RCC2: variants seen among roughly 807,000 people sequenced by gnomAD.
RCC2 encodes regulator of chromosome condensation 2.
In RCC2, 19 loss-of-function variants were observed where a neutral mutation model predicts 64.1. That is an observed-to-expected ratio of 0.30 (90% CI 0.21 to 0.44). The LOEUF is 0.44. Ranked by LOEUF, RCC2 falls within the 20% of genes least tolerant of loss-of-function variation. RCC2 has a pLI of 1.00. For missense variants in RCC2, 508 were observed against 710.4 expected, an observed-to-expected ratio of 0.72 and a Z score of 3.24; for synonymous variants, 325 against 279.6, an observed-to-expected ratio of 1.16 and a Z score of -1.62.
At chr1:17,438,004 C>G (rs2075757915) in intron 2 of RCC2, among the ~76,000 whole-genome samples, 2 of 146,562 alleles carry the variant, frequency 1.4e-5, no homozygotes, top group Admixed American at 1.4e-4. Context: ...CGCCAACCGC[C>G]CGCGCGGTGC....
In RCC2 at chr1:17,416,722, G is replaced by A. The variant is rs916283503; in HGVS notation, c.860-76C>T. On this transcript the variant is annotated intron_variant, in intron 7 of 12. Coordinates refer to ENST00000375436, the MANE Select transcript of RCC2 (RefSeq NM_018715.4). ...GTGTCAGTGTGCTCACACGGACTCT[G>A]TAGTGAGCCCCGGCAGCACCCCAAT... 8.9e-6 allele frequency: 13 copies of A among 1,461,052 alleles called. No individual in the cohort carries two copies. In the African/African-American group the frequency reaches 1.5e-4, roughly 17 times the overall value. The allele number at this position is 1,461,052 out of a possible 1,614,324, so 90.5% of individuals were successfully genotyped here.
At chr1:17,413,922 G>T (rs1443865881) in intron 8 of RCC2, among the ~76,000 whole-genome samples, 1 of 152,188 alleles carries the variant, frequency 6.6e-6, no homozygotes, top group Non-Finnish European at 1.5e-5. Context: ...CTTGAGGTCA[G>T]GAGTTTGAGA....
chr1:17,428,035 T>C lies in RCC2; in HGVS notation c.379+1071A>G, dbSNP rs143464581. ...TTCACCAGATCTACAGCAACATACA[T>C]GCGCGGGAGGCAACAGAGTTAACTA... is the stretch of plus-strand genomic sequence containing the variant. On this transcript the variant is annotated intron_variant, in intron 3 of 12. Coordinates refer to ENST00000375436, the MANE Select transcript of RCC2 (RefSeq NM_018715.4). 1.1e-3 allele frequency among the ~76,000 whole-genome samples: 160 copies of C among 152,280 alleles called. 1 individual carries two copies. Among genetic ancestry groups the C allele is most frequent in the Middle Eastern group, 3.4e-3 (1 of 294 alleles).
At chr1:17,436,983 C>G (rs1484811293) in intron 2 of RCC2, among the ~76,000 whole-genome samples, 1 of 152,184 alleles carries the variant, frequency 6.6e-6, no homozygotes, top group Non-Finnish European at 1.5e-5. Context: ...TTGACGGGCT[C>G]TCCTCCACTG....
At chr1:17,433,404 C>G (rs975477991) in intron 2 of RCC2, among the ~76,000 whole-genome samples, 3 of 152,148 alleles carry the variant, frequency 2.0e-5, no homozygotes, top group African/African-American at 7.2e-5. Flanking sequence ...CCCGCGCTTG[C>G]GGGCTCCACC....
intron 4 of RCC2, 152 bp downstream of exon 4, chr1:17,425,389 A>C (rs576973908): frequency 1.3e-6 from 1 of 763,692 alleles, no homozygotes; most frequent in East Asian, 3.0e-5. Context: ...ACAAGAGACG[A>C]GCTGGGAATT....
Position 17,438,460 on chromosome 1 carries a change from C to G in RCC2, c.55G>C (p.Gly19Arg), listed in dbSNP as rs766354325. 4 of 1,321,086 alleles carry G rather than the reference C, an allele frequency of 3.0e-6. No homozygotes were observed. The highest frequency in any genetic ancestry group is 3.8e-6 in the Non-Finnish European group (4 of 1,039,314). 81.8% of individuals were successfully genotyped at this position (1,321,086 alleles called of 1,614,324 possible). ...TTCCTGGGCCCGGCGCGGGCAGTGC[C>G]GTTGCCCGAGCTCGGCTCCTCCCAG... ...AAWEEPSSGN[G>R]TARAGPRKRG... Residue 19 changes from glycine to arginine, a missense_variant, in exon 2 of 13, where the codon GGC becomes CGC. Gly to Arg is a moderately radical substitution (Grantham distance 125). Around this residue, in one of 4 missense-constraint regions of RCC2, gnomAD observed 195 missense variants for 158.3 expected, o/e 1.23. Coordinates refer to ENST00000375436, the MANE Select transcript of RCC2 (RefSeq NM_018715.4).
intron 3 of RCC2, among the ~76,000 whole-genome samples, chr1:17,426,971 G>A (rs1213624514): frequency 6.6e-6 from 1 of 151,964 alleles, no homozygotes; most frequent in Non-Finnish European, 1.5e-5. Flanking sequence ...ATATTGGCCA[G>A]GCTGGTCTTT....
intron 6 of RCC2, 119 bp from the exon 7 acceptor site, chr1:17,420,947 T>A (rs774019608): frequency 1.5e-6 from 1 of 676,468 alleles, no homozygotes; most frequent in Non-Finnish European, 2.5e-6. Context: ...ATAAACTCAG[T>A]AATTCTGAAG....
chr1:17,433,706 T>C (rs1376167300), intron 2 of RCC2, among the ~76,000 whole-genome samples: 1 of 152,158 alleles, frequency 6.6e-6, no homozygotes, highest in South Asian at 2.1e-4. Context: ...GCACTGAGCT[T>C]CTTCAATCAA....
intron 11 of RCC2, 82 bp from the exon 12 acceptor site, chr1:17,410,133 G>A (rs2075409361): frequency 4.7e-6 from 6 of 1,267,012 alleles, no homozygotes; most frequent in African/African-American, 1.5e-5. Context: ...ACATTTCCTG[G>A]CCCCCACTAA....
rs1379022559 is a variant in RCC2, at chr1:17,407,405, G to C, written c.*1685C>G. ...AGCTTACGTCAGAGATGGTGGTTTT[G>C]GGGTGATTTGGACAAATTAGGTTAG... is the stretch of plus-strand genomic sequence containing the variant. On this transcript the variant is annotated 3_prime_UTR_variant, in exon 13 of 13. Coordinates refer to ENST00000375436, the MANE Select transcript of RCC2 (RefSeq NM_018715.4). The C allele has an allele frequency of 6.6e-6, 1 of 152,258 alleles. No individual in the cohort carries two copies. Among genetic ancestry groups the C allele is most frequent in the Admixed American group, 6.5e-5 (1 of 15,280 alleles). The allele number at this position is 152,258 out of a possible 1,614,324, so 9.4% of individuals were successfully genotyped here.
At chr1:17,435,195 G>A (rs1207825716) in intron 2 of RCC2, among the ~76,000 whole-genome samples, 1 of 152,186 alleles carries the variant, frequency 6.6e-6, no homozygotes, top group East Asian at 1.9e-4. Context: ...TTAACACCTA[G>A]GCAATGACAA....
intron 7 of RCC2, 114 bp from the exon 8 acceptor site, chr1:17,416,760 GGCCTTAGACCAGCACACGTTGGTCAAC>G: frequency 9.1e-7 from 1 of 1,100,480 alleles, no homozygotes; most frequent in South Asian, 1.6e-5. Flanking sequence ...GGCCCTTCTG[GGCCTTAGACCAGCACACGTTGGTCAAC>G]AAAGGCAGCA....
intron 4 of RCC2, among the ~76,000 whole-genome samples, chr1:17,423,454 G>A (rs907800534): frequency 1.3e-5 from 2 of 152,116 alleles, no homozygotes; most frequent in Non-Finnish European, 2.9e-5. Flanking sequence ...AACACAACAC[G>A]CCCAGCCCCA....
In RCC2 at chr1:17,407,270, G is replaced by A. The variant is rs190032649; in HGVS notation, c.*1820C>T. The A allele has an allele frequency of 6.6e-6, 1 of 152,222 alleles. No homozygotes were observed. The highest frequency in any genetic ancestry group is 1.5e-5 in the Non-Finnish European group (1 of 68,026). 9.4% of individuals were successfully genotyped at this position (152,222 alleles called of 1,614,324 possible). Reference sequence around the variant, plus strand: ...CGGGTGCTGCGTCCTCAACCCTCTCGGTGACCACGGCTCAAAGGAGAGACC... The same window carrying A: ...CGGGTGCTGCGTCCTCAACCCTCTCAGTGACCACGGCTCAAAGGAGAGACC... On this transcript the variant is annotated 3_prime_UTR_variant, in exon 13 of 13. Transcript: ENST00000375436.
chr1:17,430,242 C>T (rs1353331565), intron 2 of RCC2, among the ~76,000 whole-genome samples: 10 of 152,170 alleles, frequency 6.6e-5, no homozygotes, highest in Non-Finnish European at 1.5e-4. Context: ...TCTGGCAAGG[C>T]GCAATGGCTC....
chr1:17,439,330 C>CTTT (rs34171604), intron 1 of RCC2, among the ~76,000 whole-genome samples: 2 of 139,410 alleles, frequency 1.4e-5, no homozygotes, highest in Admixed American at 7.1e-5. Context: ...CCCCTGTCTG[C>CTTT]TTTTTTTTTT....
rs1287429548 is a variant in RCC2 at position 17,438,500 on chromosome 1, CT to C, written c.14del (p.Lys5ArgfsTer103). On this transcript the variant is annotated frameshift_variant, in exon 2 of 13. Transcript: ENST00000375436. LOFTEE classifies it high-confidence loss of function. The stretch of plus-strand genomic sequence containing the variant: ...GCTCCTCCCAGGCCGCCGCCGCCGC[CT>C]TCTTCCTGGGCATGGTCGCGGCTGG... Reference protein sequence around the residue: MPRKKAAAAAWEEPS... With the variant: MPRKXAAAAAWEEPS... The C allele has an allele frequency of 1.5e-6, 2 of 1,347,748 alleles. No individual in the cohort carries two copies. Among genetic ancestry groups the C allele is most frequent in the Admixed American group, 3.0e-5 (1 of 33,366 alleles). 83.5% of individuals were successfully genotyped at this position (1,347,748 alleles called of 1,614,324 possible).
Sources: allele counts gnomAD v4.1 joint callset (sites outside exome capture counted in the v4.1 genomes callset), GRCh38; gene constraint gnomAD v4.1.1; regional missense constraint gnomAD v4.1.1; transcripts MANE v1.5; gene names NCBI Gene and HGNC (gene_info 2026-07-23, HGNC 2026-07-21).